BMP6: variants seen among roughly 807,000 people sequenced by gnomAD.
The protein encoded by BMP6 is VG-1-R.
BMP6 carries 17 observed loss-of-function variants against 54.1 expected under a neutral mutation model. The ratio of observed to expected loss-of-function variants is 0.31; its 90% CI spans 0.22 to 0.47. The LOEUF is 0.47. Among genes scored for constraint, BMP6 ranks in the 20% least tolerant of loss-of-function variants. BMP6 has a pLI of 1.00. For missense variants in BMP6, 720 were observed against 690.4 expected (o/e 1.04, Z -0.48); for synonymous variants, 328 against 291.2 (o/e 1.13, Z -1.28).
intron 1 of BMP6, among the ~76,000 whole-genome samples, chr6:7,770,501 A>ATAG (rs1757766400): frequency 6.6e-6 from 1 of 152,234 alleles, no homozygotes; most frequent in Admixed American, 6.5e-5. Flanking sequence ...AGTCCTGGAC[A>ATAG]TAGGTTGGGA....
rs767201995 is a variant in BMP6, at chr6:7,727,348, C to T, written c.393C>T (p.Ser131=). ...RGEPPPGRLK[S]APLFMLDLYN... ...AGCCCCCTCCCGGGCGACTGAAGTC[C>T]GCGCCCCTCTTCATGCTGGATCTGT... The change falls in exon 1 of 7, where the codon TCC becomes TCT. Residue 131 remains serine (S), a synonymous_variant. Transcript: ENST00000283147. 6.2e-7 allele frequency: 1 copy of T among 1,609,864 alleles called. No individual in the cohort carries two copies. Among genetic ancestry groups the T allele is most frequent in the Non-Finnish European group, 8.5e-7 (1 of 1,178,860 alleles).
intron 1 of BMP6, among the ~76,000 whole-genome samples, chr6:7,758,672 A>T (rs1015099777): frequency 6.6e-6 from 1 of 152,250 alleles, no homozygotes; most frequent in Non-Finnish European, 1.5e-5. Context: ...AGGATCAGTC[A>T]TAGAAGGCGG....
intron 1 of BMP6, among the ~76,000 whole-genome samples, chr6:7,730,889 G>A (rs1391745373): frequency 6.6e-6 from 1 of 152,170 alleles, no homozygotes; most frequent in East Asian, 1.9e-4. Flanking sequence ...TTACACACTG[G>A]AAGTACAAGG....
chr6:7,752,257 G>A (rs527275715), intron 1 of BMP6, among the ~76,000 whole-genome samples: 39 of 152,320 alleles, frequency 2.6e-4, no homozygotes, highest in African/African-American at 7.5e-4. Flanking sequence ...CCATTGAAAC[G>A]TTATTTATAA....
At chr6:7,819,913 T>C (rs750208135) in intron 1 of BMP6, among the ~76,000 whole-genome samples, 5 of 152,258 alleles carry the variant, frequency 3.3e-5, no homozygotes, top group Non-Finnish European at 5.9e-5. Context: ...AATATGTTTC[T>C]AGTCATCTGA....
intron 4 of BMP6, among the ~76,000 whole-genome samples, chr6:7,875,463 A>G (rs1759601335): frequency 6.6e-6 from 1 of 152,138 alleles, no homozygotes; most frequent in South Asian, 2.1e-4. Flanking sequence ...GGCTTGCTTG[A>G]GGCTAGGAGT....
Position 7,735,130 on chromosome 6 carries a change from C to T in BMP6, c.664+7511C>T, listed in dbSNP as rs118168182. On this transcript the variant is annotated intron_variant, in intron 1 of 6. Transcript: ENST00000283147. ...ACAGTGCCCCTCGGAGGCAGAGCCC[C>T]GGAGCCCGCTCCACCCTGACCTCCG... Among the ~76,000 whole-genome samples the T allele has an allele frequency of 6.3e-3, 960 of 152,358 alleles. 28 individuals are homozygous for T. Among genetic ancestry groups the T allele is most frequent in the Admixed American group, 0.05 (772 of 15,304 alleles).
At chr6:7,734,193 C>T (rs749141819) in intron 1 of BMP6, among the ~76,000 whole-genome samples, 5 of 152,078 alleles carry the variant, frequency 3.3e-5, no homozygotes, top group Non-Finnish European at 5.9e-5. Context: ...ACACGTATGC[C>T]CCAGCAACAG....
intron 2 of BMP6, among the ~76,000 whole-genome samples, chr6:7,847,887 C>G (rs924165748): frequency 6.6e-6 from 1 of 152,154 alleles, no homozygotes; most frequent in South Asian, 2.1e-4. Context: ...AACAAGCAAA[C>G]ACTTGATACT....
intron 1 of BMP6, among the ~76,000 whole-genome samples, chr6:7,769,007 C>T (rs1380016379): frequency 3.3e-5 from 5 of 152,212 alleles, no homozygotes; most frequent in African/African-American, 9.7e-5. Flanking sequence ...ACTTGCATAA[C>T]AGCTTTACTG....
At chr6:7,818,570 T>G (rs1327940634) in intron 1 of BMP6, among the ~76,000 whole-genome samples, 3 of 152,212 alleles carry the variant, frequency 2.0e-5, no homozygotes. Flanking sequence ...CTTTTAGAGG[T>G]TTCTTTTCCT....
chr6:7,783,807 T>G (rs1226603747), intron 1 of BMP6, among the ~76,000 whole-genome samples: 2 of 152,264 alleles, frequency 1.3e-5, no homozygotes, highest in African/African-American at 2.4e-5. Flanking sequence ...CTCTTCTTCA[T>G]GGAATGAGCA....
intron 4 of BMP6, among the ~76,000 whole-genome samples, chr6:7,863,559 C>A (rs1233004180): frequency 6.6e-6 from 1 of 152,166 alleles, no homozygotes; most frequent in Admixed American, 6.5e-5. Context: ...CAACCTGAAG[C>A]ACACTGCTGG....
chr6:7,726,540 G>A lies in BMP6; in HGVS notation c.-416G>A, dbSNP rs576633329. Among the ~76,000 whole-genome samples, 362 of 152,254 alleles carry A rather than the reference G, an allele frequency of 2.4e-3. 1 individual carries two copies. Among genetic ancestry groups the A allele is most frequent in the Admixed American group, 4.3e-3 (66 of 15,304 alleles). ...GCGGCCCCGCTCCCCGCTGCCCCGG[G>A]TCCCACTCAGTCGCCAGGGAGAGCG... On this transcript the variant is annotated 5_prime_UTR_variant, in exon 1 of 7. Transcript: ENST00000283147.
At chr6:7,776,691 C>T (rs1180012231) in intron 1 of BMP6, among the ~76,000 whole-genome samples, 1 of 152,206 alleles carries the variant, frequency 6.6e-6, no homozygotes, top group African/African-American at 2.4e-5. Flanking sequence ...TGCTCTATCA[C>T]CTAGGCTTGA....
At chr6:7,817,022 GCAAA>G (rs1263031710) in intron 1 of BMP6, among the ~76,000 whole-genome samples, 1 of 152,082 alleles carries the variant, frequency 6.6e-6, no homozygotes, top group African/African-American at 2.4e-5. Flanking sequence ...AGAAACAAAG[GCAAA>G]CAAAGATACA....
At position 7,855,550 on chromosome 6, in the gene BMP6, TCTC is replaced by T. The variant is rs377199190; in HGVS notation, c.858-5900_858-5898del. ...CACTTAATCTCAATCTCTCTCTCTC[TCTC>T]TTTTTTTTTTTTTTTTTTTTTTTTT... On this transcript the variant is annotated intron_variant, in intron 2 of 6. Coordinates refer to ENST00000283147, the MANE Select transcript of BMP6 (RefSeq NM_001718.6). Among the ~76,000 whole-genome samples the T allele has an allele frequency of 2.9e-4, 32 of 109,288 alleles. 1 individual carries two copies. The highest frequency in any genetic ancestry group is 1.0e-3 in the African/African-American group (28 of 27,596). 71.7% of individuals were successfully genotyped at this position (109,288 alleles called of 152,430 possible). A position where few individuals can be genotyped will look rare whatever the true frequency, so the allele number is the denominator to read the frequency against.
chr6:7,742,627 C>T (rs537430365), intron 1 of BMP6, among the ~76,000 whole-genome samples: 3 of 152,122 alleles, frequency 2.0e-5, no homozygotes, highest in South Asian at 2.1e-4. Context: ...TCTCTTGGTT[C>T]GTTGCCCGAA....
At chr6:7,810,939 C>A (rs1758427004) in intron 1 of BMP6, among the ~76,000 whole-genome samples, 1 of 152,178 alleles carries the variant, frequency 6.6e-6, no homozygotes. Context: ...CAAACCCCGC[C>A]ACAGCCATAC....
Sources: gnomAD v4.1 joint callset for allele counts (sites outside exome capture counted in the v4.1 genomes callset) on GRCh38, gnomAD v4.1.1 for gene constraint, MANE v1.5 for transcripts, NCBI Gene and HGNC (gene_info 2026-07-23, HGNC 2026-07-21) for gene names.